FSTL5: variants seen among roughly 807,000 people sequenced by gnomAD.
FSTL5 encodes the protein follistatin like 5.
FSTL5 carries 62 observed loss-of-function variants against 89.1 expected under a neutral mutation model. The ratio of observed to expected loss-of-function variants is 0.70; its 90% CI spans 0.57 to 0.86. The LOEUF (loss-of-function observed/expected upper bound fraction) is 0.86. FSTL5 is among the 40% of genes least tolerant of loss of function. The pLI, the probability that FSTL5 is intolerant of heterozygous loss-of-function variation, is 0.00. For missense variants in FSTL5, 1,057 were observed against 1,001.6 expected, an observed-to-expected ratio of 1.06 and a Z score of -0.75; for synonymous variants, 383 against 346.2, an observed-to-expected ratio of 1.11 and a Z score of -1.18.
intron 4 of FSTL5, among the ~76,000 whole-genome samples, chr4:161,844,272 G>A (rs1460289900): frequency 1.3e-5 from 2 of 152,146 alleles, no homozygotes; most frequent in African/African-American, 4.8e-5. Flanking sequence ...AATCATTAAA[G>A]TCAGGAAACA....
chr4:161,688,117 C>A (rs546578513), intron 6 of FSTL5, among the ~76,000 whole-genome samples: 5 of 152,318 alleles, frequency 3.3e-5, no homozygotes, highest in African/African-American at 1.2e-4. Context: ...GAGTCTCCCT[C>A]TGTCACTCAG....
chr4:161,711,422 T>C (rs1327190746), intron 6 of FSTL5, among the ~76,000 whole-genome samples: 1 of 151,862 alleles, frequency 6.6e-6, no homozygotes, highest in Non-Finnish European at 1.5e-5. Context: ...AAATAGACAA[T>C]TGCTTAGAAA....
intron 3 of FSTL5, among the ~76,000 whole-genome samples, chr4:161,972,724 T>A (rs562321543): frequency 4.4e-4 from 67 of 152,340 alleles, no homozygotes; most frequent in African/African-American, 1.6e-3. Flanking sequence ...AAGAGCCCAG[T>A]TAAACTTTGC....
At chr4:162,065,583 G>T (rs1186239115) in intron 2 of FSTL5, among the ~76,000 whole-genome samples, 1 of 151,968 alleles carries the variant, frequency 6.6e-6, no homozygotes, top group Non-Finnish European at 1.5e-5. Flanking sequence ...GGAGAAAAGG[G>T]TGTAAAGAAA....
At chr4:161,734,918 C>G (rs1739735384) in intron 6 of FSTL5, among the ~76,000 whole-genome samples, 1 of 152,052 alleles carries the variant, frequency 6.6e-6, no homozygotes, top group African/African-American at 2.4e-5. Flanking sequence ...ACCAAGAGAG[C>G]AAGCAACTCT....
At chr4:162,137,502 A>G (rs1402382222) in intron 1 of FSTL5, among the ~76,000 whole-genome samples, 1 of 152,090 alleles carries the variant, frequency 6.6e-6, no homozygotes, top group Non-Finnish European at 1.5e-5. Flanking sequence ...AACATTTGGA[A>G]CCACATCTGA....
In FSTL5 at chr4:161,836,293, A is replaced by G. The variant is rs547473600; in HGVS notation, c.410-60219T>C. ...CACAGGAAGGGGAACATCACACTCT[A>G]GGGACTGTTGTGGGGTGGGGGGAGG... is the stretch of plus-strand genomic sequence containing the variant. On this transcript the variant is annotated intron_variant, in intron 4 of 15. Transcript: ENST00000306100. Among the ~76,000 whole-genome samples, 57 of 116,748 alleles carry G rather than the reference A, an allele frequency of 4.9e-4. 2 individuals are homozygous for G. The highest frequency in any genetic ancestry group is 5.2e-3 in the Middle Eastern group (1 of 192). The allele number at this position is 116,748 out of a possible 152,430, so 76.6% of individuals were successfully genotyped here. A position where few individuals can be genotyped will look rare whatever the true frequency, so the allele number is the denominator to read the frequency against.
At chr4:161,977,992 T>TA (rs1368067009) in intron 3 of FSTL5, among the ~76,000 whole-genome samples, 4 of 152,204 alleles carry the variant, frequency 2.6e-5, no homozygotes, top group Admixed American at 6.5e-5. Context: ...ATCCATTTCT[T>TA]ACTTATGTCA....
intron 15 of FSTL5, among the ~76,000 whole-genome samples, chr4:161,412,976 C>T (rs62325026): frequency 0.078 from 11,925 of 152,018 alleles, 587 homozygotes; most frequent in Non-Finnish European, 0.12. Context: ...TGGACAACAA[C>T]CTAACTCTTC....
At position 161,968,969 on chromosome 4, in the gene FSTL5, G is replaced by GCACA. The variant is rs34014344; in HGVS notation, c.161-48321_161-48318dup. The stretch of plus-strand genomic sequence containing the variant: ...CACACACACACACACACTCACATAA[G>GCACA]CACACACACACACACACACACATGC... On this transcript the variant is annotated intron_variant, in intron 3 of 15. Coordinates refer to ENST00000306100, the MANE Select transcript of FSTL5 (RefSeq NM_020116.5). Among the ~76,000 whole-genome samples the GCACA allele has an allele frequency of 3.9e-3, 580 of 146,976 alleles. 4 individuals carry two copies. Among genetic ancestry groups the GCACA allele is most frequent in the South Asian group, 0.011 (52 of 4,566 alleles).
intron 3 of FSTL5, among the ~76,000 whole-genome samples, chr4:161,957,459 T>C (rs1026703726): frequency 9.2e-5 from 14 of 152,096 alleles, no homozygotes; most frequent in African/African-American, 1.9e-4. Flanking sequence ...GGTGTTGTCT[T>C]TCATCTGTTA....
At chr4:162,010,051 T>C (rs1560968246) in intron 3 of FSTL5, among the ~76,000 whole-genome samples, 2 of 151,966 alleles carry the variant, frequency 1.3e-5, no homozygotes, top group Admixed American at 1.3e-4. Context: ...TGAACATAAG[T>C]AGAGATTCTG....
At position 161,899,105 on chromosome 4, in the gene FSTL5, G is replaced by C. The variant is rs151236819; in HGVS notation, c.409+21299C>G. ...GAAGGAGATCTGGGATGGGGCCGTG[G>C]GGTCAATAGGCAAAGGAATAGGAAT... On this transcript the variant is annotated intron_variant, in intron 4 of 15. Coordinates refer to ENST00000306100, the MANE Select transcript of FSTL5 (RefSeq NM_020116.5). Among the ~76,000 whole-genome samples, 34 of 152,156 alleles carry C rather than the reference G, an allele frequency of 2.2e-4. No individual in the cohort carries two copies. The East Asian group carries it at 5.4e-3, about 24-fold the overall frequency.
chr4:161,394,068 A>G (rs780728829), intron 15 of FSTL5, among the ~76,000 whole-genome samples: 1 of 152,154 alleles, frequency 6.6e-6, no homozygotes, highest in Non-Finnish European at 1.5e-5. Flanking sequence ...AGCTACATGG[A>G]GTGAGGACGT....
intron 7 of FSTL5, among the ~76,000 whole-genome samples, chr4:161,615,206 A>G (rs1159265664): frequency 1.3e-5 from 2 of 149,782 alleles, no homozygotes; most frequent in Non-Finnish European, 3.0e-5. Flanking sequence ...AGGCAGGAGA[A>G]TGGCGTGAAC....
At chr4:161,571,772 C>A (rs1336516424) in intron 8 of FSTL5, among the ~76,000 whole-genome samples, 1 of 151,976 alleles carries the variant, frequency 6.6e-6, no homozygotes, top group East Asian at 1.9e-4. Flanking sequence ...TGGTGAGATC[C>A]CTGTGGAGTG....
intron 1 of FSTL5, among the ~76,000 whole-genome samples, chr4:162,141,247 G>C (rs1342924764): frequency 1.0e-5 from 1 of 96,150 alleles, no homozygotes; most frequent in Non-Finnish European, 2.3e-5. Context: ...CTCCCGTGTA[G>C]CTGGGACTAC....
At chr4:161,396,121 TAA>T (rs11417337) in intron 15 of FSTL5, among the ~76,000 whole-genome samples, 64 of 144,912 alleles carry the variant, frequency 4.4e-4, no homozygotes, top group Admixed American at 3.2e-3. Flanking sequence ...TCATTGATCA[TAA>T]AAAAAAAAAA....
chr4:161,648,630 A>G (rs2126675706), intron 7 of FSTL5, among the ~76,000 whole-genome samples: 1 of 152,072 alleles, frequency 6.6e-6, no homozygotes, highest in Non-Finnish European at 1.5e-5. Flanking sequence ...AATAAATCCA[A>G]GATTTGTCAG....
Sources: allele counts gnomAD v4.1 joint callset (sites outside exome capture counted in the v4.1 genomes callset), GRCh38; gene constraint gnomAD v4.1.1; transcripts MANE v1.5; gene names NCBI Gene and HGNC (gene_info 2026-07-23, HGNC 2026-07-21).